Variants in ADGRL3 observed in about 807,000 individuals in gnomAD.
ADGRL3 encodes calcium-independent alpha-latrotoxin receptor 3.
ADGRL3 carries 62 observed loss-of-function variants against 153.5 expected under a neutral mutation model. The ratio of observed to expected loss-of-function variants is 0.40; its 90% CI spans 0.33 to 0.50. ADGRL3 has a LOEUF of 0.50. ADGRL3 is among the 20% of genes least tolerant of loss of function. ADGRL3 has a pLI of 0.47. For missense variants in ADGRL3, 1,641 were observed against 1,859.4 expected (o/e 0.88, Z 2.16); for synonymous variants, 710 against 672.5 (o/e 1.06, Z -0.86).
chr4:61,718,281 C>T (rs1198517584), intron 6 of ADGRL3, among the ~76,000 whole-genome samples: 1 of 151,948 alleles, frequency 6.6e-6, no homozygotes, highest in Admixed American at 6.6e-5. Context: ...TTTCTTAATA[C>T]AAATAAAGTT....
intron 4 of ADGRL3, among the ~76,000 whole-genome samples, chr4:61,564,439 T>G (rs1579561192): frequency 6.6e-6 from 1 of 152,248 alleles, no homozygotes; most frequent in East Asian, 1.9e-4. Context: ...AATGCCTGGC[T>G]GATTTCTGTA....
chr4:61,288,772 G>A (rs937696730), intron 1 of ADGRL3, among the ~76,000 whole-genome samples: 4 of 151,944 alleles, frequency 2.6e-5, no homozygotes, highest in Non-Finnish European at 5.9e-5. Flanking sequence ...GTAAGTAAGA[G>A]GTTGGTCTCA....
At chr4:61,845,361 A>AT in intron 9 of ADGRL3, among the ~76,000 whole-genome samples, 1 of 149,164 alleles carries the variant, frequency 6.7e-6, no homozygotes, top group Admixed American at 6.7e-5. Flanking sequence ...TGTAATTTTT[A>AT]TTTTTTGAGA....
intron 6 of ADGRL3, among the ~76,000 whole-genome samples, chr4:61,689,774 T>G (rs138866084): frequency 6.6e-6 from 1 of 152,148 alleles, no homozygotes; most frequent in African/African-American, 2.4e-5. Flanking sequence ...TTCAATATGA[T>G]CTATAATAAG....
intron 8 of ADGRL3, among the ~76,000 whole-genome samples, chr4:61,812,814 C>T (rs1406231286): frequency 6.6e-6 from 1 of 152,106 alleles, no homozygotes; most frequent in East Asian, 1.9e-4. Context: ...AAGTGTATTA[C>T]AAATTTGTGT....
chr4:61,418,490 T>A (rs906783713), intron 2 of ADGRL3, among the ~76,000 whole-genome samples: 10 of 143,292 alleles, frequency 7.0e-5, no homozygotes, highest in African/African-American at 2.8e-4. Flanking sequence ...GCATTTCTTC[T>A]GTATCTTCAG....
chr4:61,409,876 A>T (rs2097062403), intron 2 of ADGRL3, among the ~76,000 whole-genome samples: 1 of 152,028 alleles, frequency 6.6e-6, no homozygotes, highest in Admixed American at 6.6e-5. Flanking sequence ...CAATTTTTAT[A>T]GTATTAAAAC....
At chr4:61,927,377 TAA>T (rs1274885335) in intron 13 of ADGRL3, among the ~76,000 whole-genome samples, 2 of 150,968 alleles carry the variant, frequency 1.3e-5, no homozygotes, top group African/African-American at 2.4e-5. Flanking sequence ...AAAAAAAAAA[TAA>T]GAGGTCTCTT....
At chr4:61,400,086 C>A (rs1053577330) in intron 2 of ADGRL3, among the ~76,000 whole-genome samples, 1 of 151,662 alleles carries the variant, frequency 6.6e-6, no homozygotes, top group African/African-American at 2.4e-5. Context: ...TTATTAGCTT[C>A]TACTGGAGTG....
intron 1 of ADGRL3, among the ~76,000 whole-genome samples, chr4:61,360,233 G>T (rs113973955): frequency 3.3e-5 from 5 of 152,066 alleles, no homozygotes; most frequent in African/African-American, 4.8e-5. Context: ...TGATCTTAAG[G>T]ATTTTAAATA....
chr4:61,422,756 TA>T (rs1029164264), intron 2 of ADGRL3, among the ~76,000 whole-genome samples: 10 of 151,986 alleles, frequency 6.6e-5, no homozygotes, highest in African/African-American at 2.4e-4. Context: ...ATAAAATAAT[TA>T]ATTATGTGAT....
chr4:61,830,549 A>G (rs928444275), intron 9 of ADGRL3, among the ~76,000 whole-genome samples: 1 of 152,220 alleles, frequency 6.6e-6, no homozygotes, highest in Non-Finnish European at 1.5e-5. Context: ...ATCTATGAAA[A>G]GATTCTTTCA....
intron 2 of ADGRL3, among the ~76,000 whole-genome samples, chr4:61,391,105 C>T (rs547452217): frequency 2.0e-5 from 3 of 152,210 alleles, no homozygotes; most frequent in East Asian, 3.9e-4. Flanking sequence ...TTCATTGGTA[C>T]GCCTATAAAA....
intron 5 of ADGRL3, among the ~76,000 whole-genome samples, chr4:61,643,485 G>A (rs1343862975): frequency 6.6e-6 from 1 of 151,746 alleles, no homozygotes; most frequent in Non-Finnish European, 1.5e-5. Context: ...TTTATTGAGA[G>A]TTTTTAGCAT....
intron 6 of ADGRL3, among the ~76,000 whole-genome samples, chr4:61,716,483 A>G (rs1426137345): frequency 6.6e-6 from 1 of 152,126 alleles, no homozygotes; most frequent in Non-Finnish European, 1.5e-5. Flanking sequence ...GGACAGATTT[A>G]TTGAGTTAGC....
intron 8 of ADGRL3, among the ~76,000 whole-genome samples, chr4:61,800,497 G>A (rs2097481198): frequency 1.3e-5 from 2 of 152,198 alleles, no homozygotes; most frequent in Middle Eastern, 3.4e-3. Flanking sequence ...TAGGTCAATT[G>A]TTTCTTGATA....
chr4:61,330,250 G>A (rs2095545314), intron 1 of ADGRL3, among the ~76,000 whole-genome samples: 1 of 152,254 alleles, frequency 6.6e-6, no homozygotes, highest in East Asian at 1.9e-4. Flanking sequence ...TTCTAGGTGT[G>A]TTTGGGAGGA....
intron 5 of ADGRL3, among the ~76,000 whole-genome samples, chr4:61,627,210 T>C (rs779264184): frequency 3.9e-5 from 6 of 152,158 alleles, no homozygotes; most frequent in Non-Finnish European, 5.9e-5. Context: ...AATTTTCCCT[T>C]ATTTAAAATT....
chr4:61,639,813 A>G (rs1560978715), intron 5 of ADGRL3, among the ~76,000 whole-genome samples: 1 of 152,154 alleles, frequency 6.6e-6, no homozygotes, highest in Admixed American at 6.6e-5. Flanking sequence ...CATATAGCCC[A>G]TATTAAATTC....
Sources: allele counts gnomAD v4.1 joint callset (sites outside exome capture counted in the v4.1 genomes callset), GRCh38; gene constraint gnomAD v4.1.1; transcripts MANE v1.5; gene names NCBI Gene and HGNC (gene_info 2026-07-23, HGNC 2026-07-21).